The following NXPE3 variants were observed in gnomAD, a reference collection of about 807,000 sequenced individuals.
NXPE3 encodes the protein NXPE family member 3.
A neutral mutation model predicts 46.1 loss-of-function variants in NXPE3; 26 were observed. The observed-to-expected ratio is 0.56, with a 90% confidence interval of 0.41 to 0.78. NXPE3 has a LOEUF of 0.78. NXPE3 is among the 30% of genes least tolerant of loss of function. The pLI, the probability that NXPE3 is intolerant of heterozygous loss-of-function variation, is 0.00. For synonymous variants in NXPE3, 272 were observed against 257.9 expected, an observed-to-expected ratio of 1.05 and a Z score of -0.52; for missense variants, 620 against 686.0, an observed-to-expected ratio of 0.90 and a Z score of 1.07.
intron 4 of NXPE3, among the ~76,000 whole-genome samples, chr3:101,800,688 A>G (rs1241230658): frequency 1.3e-5 from 2 of 150,086 alleles, no homozygotes; most frequent in Non-Finnish European, 3.0e-5. Context: ...GGTTAGGTAC[A>G]TACATGTTAA....
At chr3:101,795,221 GA>G (rs1940757451) in intron 4 of NXPE3, among the ~76,000 whole-genome samples, 1 of 152,100 alleles carries the variant, frequency 6.6e-6, no homozygotes, top group Non-Finnish European at 1.5e-5. Context: ...CAATTGTAAT[GA>G]AAAATATTAC....
chr3:101,817,381 C>G (rs770669177), intron 7 of NXPE3, among the ~76,000 whole-genome samples: 1 of 152,198 alleles, frequency 6.6e-6, no homozygotes, highest in South Asian at 2.1e-4. Flanking sequence ...AGTTGTTTCT[C>G]CCCTAGTTCT....
chr3:101,799,515 C>T (rs1379452297), intron 4 of NXPE3, among the ~76,000 whole-genome samples: 1 of 152,050 alleles, frequency 6.6e-6, no homozygotes, highest in Non-Finnish European at 1.5e-5. Flanking sequence ...CAACCTCTGC[C>T]TCCTGGGTTC....
rs1940450041 is a variant in NXPE3 at position 101,790,539 on chromosome 3, A to G, written c.93+4850A>G. On this transcript the variant is annotated intron_variant, in intron 4 of 7. Transcript: ENST00000273347. ...GTACTCTGTATGATATTATATAACC[A>G]CTCTAGCTTTCCTTTGTTTGCTGTT... Among the ~76,000 whole-genome samples, 3 of 151,554 alleles carry G rather than the reference A, an allele frequency of 2.0e-5. No individual in the cohort carries two copies. The South Asian group carries it at 6.3e-4, about 32-fold the overall frequency.
chr3:101,811,189 G>A (rs1218332313), intron 6 of NXPE3, among the ~76,000 whole-genome samples: 1 of 152,160 alleles, frequency 6.6e-6, no homozygotes, highest in Non-Finnish European at 1.5e-5. Context: ...CAACTTGTGA[G>A]ACTCTGAGGA....
At chr3:101,810,232 C>A (rs898612197) in intron 6 of NXPE3, among the ~76,000 whole-genome samples, 3 of 152,188 alleles carry the variant, frequency 2.0e-5, no homozygotes, top group Admixed American at 6.5e-5. Flanking sequence ...CCCAGATTAT[C>A]ACAGCTGAGT....
At chr3:101,801,151 AGT>A in intron 4 of NXPE3, 82 bp from the exon 5 acceptor site, 2 of 1,392,494 alleles carry the variant, frequency 1.4e-6, no homozygotes, top group Non-Finnish European at 2.0e-6. Context: ...AACTCACAGA[AGT>A]GTGGGGAGCC....
chr3:101,816,822 G>C lies in NXPE3; in HGVS notation c.950G>C (p.Gly317Ala). 6.2e-7 allele frequency: 1 copy of C among 1,613,858 alleles called. No individual in the cohort carries two copies. Among genetic ancestry groups the C allele is most frequent in the Non-Finnish European group, 8.5e-7 (1 of 1,179,846 alleles). The change falls in exon 7 of 8, where the codon GGC becomes GCC. Residue 317 changes from glycine (G) to alanine (A), a missense_variant. By Grantham distance (60) the Gly-to-Ala change is moderately conservative. Around this residue, in one of 3 missense-constraint regions of NXPE3, gnomAD observed 511 missense variants for 528.6 expected, o/e 0.97. Transcript: ENST00000273347. ...ACTAACAGTCTAGAACTATCTCAAG[G>C]CTCAGGAACTTTTCCTTCTGGGTAT... ...KETNSLELSQ[G>A]SGTFPSGYYY...
At chr3:101,811,385 A>G (rs1459912790) in intron 6 of NXPE3, among the ~76,000 whole-genome samples, 1 of 152,234 alleles carries the variant, frequency 6.6e-6, no homozygotes, top group Non-Finnish European at 1.5e-5. Flanking sequence ...CCAGGACCCT[A>G]GCATGCGCTT....
In NXPE3 at chr3:101,823,142, G is replaced by A. The variant is rs1942332550; in HGVS notation, c.*1188G>A. ...ACTCTTTTCTTTTTGAGCTGTGATA[G>A]ATTATAGTCTAGTTTAAGTTGCTCC... On this transcript the variant is annotated 3_prime_UTR_variant, in exon 8 of 8. Transcript: ENST00000273347. 6.6e-6 allele frequency: 1 copy of A among 152,078 alleles called. No individual in the cohort carries two copies. The highest frequency in any genetic ancestry group is 1.5e-5 in the Non-Finnish European group (1 of 68,012). The allele number at this position is 152,078 out of a possible 1,614,324, so 9.4% of individuals were successfully genotyped here.
chr3:101,783,269 G>A (rs541980583), intron 3 of NXPE3, among the ~76,000 whole-genome samples: 26 of 152,022 alleles, frequency 1.7e-4, no homozygotes, highest in African/African-American at 6.3e-4. Flanking sequence ...CACCATGTTA[G>A]CCAGGATGGT....
intron 1 of NXPE3, among the ~76,000 whole-genome samples, chr3:101,780,209 C>T (rs1275859964): frequency 6.6e-6 from 1 of 152,178 alleles, no homozygotes; most frequent in Non-Finnish European, 1.5e-5. Context: ...CTCCCAGACC[C>T]TGATAATTGT....
At chr3:101,816,030 A>G (rs1643257059) in intron 6 of NXPE3, among the ~76,000 whole-genome samples, 2 of 148,532 alleles carry the variant, frequency 1.3e-5, no homozygotes, top group South Asian at 4.3e-4. Flanking sequence ...CAGGCATGGT[A>G]ATGCGTGCCT....
intron 6 of NXPE3, among the ~76,000 whole-genome samples, chr3:101,813,919 C>T (rs976401412): frequency 2.0e-5 from 3 of 152,066 alleles, no homozygotes; most frequent in African/African-American, 7.2e-5. Context: ...CATAAGGGGG[C>T]AACATAGGTA....
rs945974656 is a variant in NXPE3 at position 101,823,735 on chromosome 3, C to T, written c.*1781C>T. On this transcript the variant is annotated 3_prime_UTR_variant, in exon 8 of 8. Coordinates refer to ENST00000273347, the MANE Select transcript of NXPE3 (RefSeq NM_145037.4). ...AGTTATGATTGCGCCACTACACTCC[C>T]ACTTGGGCAACAGACAAGAGATCTT... 1 of 152,022 alleles carries T rather than the reference C, an allele frequency of 6.6e-6. No individual in the cohort carries two copies. The highest frequency in any genetic ancestry group is 2.4e-5 in the African/African-American group (1 of 41,348). 9.4% of individuals were successfully genotyped at this position (152,022 alleles called of 1,614,324 possible).
At chr3:101,792,925 C>T (rs533896334) in intron 4 of NXPE3, among the ~76,000 whole-genome samples, 1 of 152,198 alleles carries the variant, frequency 6.6e-6, no homozygotes, top group Non-Finnish European at 1.5e-5. Context: ...TTGTTTGTGT[C>T]TTCTCTGATT....
rs1939667907 is a variant in NXPE3 at position 101,779,299 on chromosome 3, G to A, written c.-523G>A. The A allele has an allele frequency of 6.6e-6, 1 of 152,416 alleles. No homozygotes were observed. The highest frequency in any genetic ancestry group is 6.5e-5 in the Admixed American group (1 of 15,284). The allele number at this position is 152,416 out of a possible 1,614,324, so 9.4% of individuals were successfully genotyped here. On this transcript the variant is annotated 5_prime_UTR_variant, in exon 1 of 8. Coordinates refer to ENST00000273347, the MANE Select transcript of NXPE3 (RefSeq NM_145037.4). ...GGCGTCAGGATCCCTGGCCCCCGGA[G>A]AGCGAAGGGCGGGCGGGTCCCGGAG... is the stretch of plus-strand genomic sequence containing the variant.
intron 4 of NXPE3, among the ~76,000 whole-genome samples, chr3:101,794,234 G>T (rs373190596): frequency 6.6e-6 from 1 of 152,070 alleles, no homozygotes; most frequent in Admixed American, 6.6e-5. Flanking sequence ...GAAGCTGAAG[G>T]GGGGAGGAGA....
intron 4 of NXPE3, among the ~76,000 whole-genome samples, chr3:101,794,289 A>T (rs1940694370): frequency 6.6e-6 from 1 of 152,174 alleles, no homozygotes; most frequent in South Asian, 2.1e-4. Flanking sequence ...CTTTTATAGG[A>T]CAAGGAGCAT....
Sources: allele counts gnomAD v4.1 joint callset (sites outside exome capture counted in the v4.1 genomes callset), GRCh38; gene constraint gnomAD v4.1.1; regional missense constraint gnomAD v4.1.1; transcripts MANE v1.5; gene names NCBI Gene and HGNC (gene_info 2026-07-23, HGNC 2026-07-21).